The following XIAP variants were observed in gnomAD, a reference collection of about 807,000 sequenced individuals.
XIAP encodes the protein E3 ubiquitin-protein ligase XIAP.
In XIAP, 3 loss-of-function variants were observed where a neutral mutation model predicts 33.1. The observed-to-expected ratio is 0.09, with a 90% confidence interval of 0.04 to 0.23. The LOEUF is 0.23. Ranked by LOEUF, XIAP falls within the 10% of genes least tolerant of loss-of-function variation. The probability of loss-of-function intolerance (pLI) is 1.00; values close to 1 mark genes in which losing one functional copy is unlikely to be tolerated. For missense variants in XIAP, 264 were observed against 363.0 expected, an observed-to-expected ratio of 0.73 and a Z score of 2.22; for synonymous variants, 98 against 121.3, an observed-to-expected ratio of 0.81 and a Z score of 1.26.
chrX:123,865,277 A>G (rs963679719), intron 1 of XIAP, among the ~76,000 whole-genome samples: 1 of 111,210 alleles, frequency 9.0e-6, no homozygotes, highest in African/African-American at 3.3e-5. Flanking sequence ...GTCATGTGCT[A>G]CAGTGTTTGG....
intron 1 of XIAP, among the ~76,000 whole-genome samples, chrX:123,885,321 G>T (rs1245650369): frequency 1.8e-5 from 2 of 111,372 alleles, no homozygotes; most frequent in African/African-American, 6.5e-5. Context: ...ATTTGACATG[G>T]TTAATAATTA....
At chrX:123,870,218 T>C (rs2053181911) in intron 1 of XIAP, among the ~76,000 whole-genome samples, 1 of 112,670 alleles carries the variant, frequency 8.9e-6, no homozygotes, top group African/African-American at 3.2e-5. Flanking sequence ...CACCTCAACC[T>C]CCCAAAGTGC....
chrX:123,893,430 G>A (rs1355360705), intron 5 of XIAP, among the ~76,000 whole-genome samples: 1 of 110,375 alleles, frequency 9.1e-6, no homozygotes, highest in Non-Finnish European at 1.9e-5. Context: ...GGCTGAGGCA[G>A]GAGAATTGCC....
chrX:123,862,330 A>G (rs984753491), intron 1 of XIAP, among the ~76,000 whole-genome samples: 4 of 107,837 alleles, frequency 3.7e-5, no homozygotes, highest in Non-Finnish European at 5.7e-5. Context: ...CGGCCTCCCA[A>G]AGTGCTGGGA....
rs1211032765 is a variant in XIAP at position 123,900,585 on chromosome X, C to A, written c.1192C>A (p.Gln398Lys). 4.1e-6 allele frequency: 5 copies of A among 1,210,733 alleles called. No homozygotes were observed. The highest frequency in any genetic ancestry group is 3.0e-5 in the East Asian group (1 of 33,843). The stretch of plus-strand genomic sequence containing the variant: ...TAAGAAAATAATGGAGGAAAAAATT[C>A]AGATATCTGGGAGCAACTATAAATC... ...DIKKIMEEKI[Q>K]ISGSNYKSLE... The change falls in exon 6 of 7, where the codon CAG (glutamine) becomes AAG (lysine). Residue 398 changes from glutamine (Q) to lysine (K), a missense_variant. Physicochemically the swap from Gln to Lys is moderately conservative, Grantham distance 53. Coordinates refer to ENST00000371199, the MANE Select transcript of XIAP (RefSeq NM_001167.4).
In XIAP at chrX:123,911,500, C is replaced by G; in HGVS notation, c.*4319C>G. 3.2e-6 allele frequency: 1 copy of G among 309,650 alleles called. No individual in the cohort carries two copies. The highest frequency in any genetic ancestry group is 6.1e-6 in the Non-Finnish European group (1 of 164,270). The allele number at this position is 309,650 out of a possible 1,213,427, so 25.5% of individuals were successfully genotyped here. A position where few individuals can be genotyped will look rare whatever the true frequency, so the allele number is the denominator to read the frequency against. ...CTCAAAAAAAAAAAAAGATATAAAT[C>G]ACAATAAATAAATAGGTCAATACAA... is the stretch of plus-strand genomic sequence containing the variant. On this transcript the variant is annotated 3_prime_UTR_variant, in exon 7 of 7. Coordinates refer to ENST00000371199, the MANE Select transcript of XIAP (RefSeq NM_001167.4).
In XIAP at chrX:123,907,612, G is replaced by T. The variant is rs1298928526; in HGVS notation, c.*431G>T. On this transcript the variant is annotated 3_prime_UTR_variant, in exon 7 of 7. Coordinates refer to ENST00000371199, the MANE Select transcript of XIAP (RefSeq NM_001167.4). Reference sequence around the variant, plus strand: ...ACATAATTTGTTTTGTGTGAAAAAGGAATAAATTGTTCCATGCTGGTGGAA... The same window carrying T: ...ACATAATTTGTTTTGTGTGAAAAAGTAATAAATTGTTCCATGCTGGTGGAA... 2.7e-6 allele frequency: 1 copy of T among 375,113 alleles called. No individual in the cohort carries two copies. Among genetic ancestry groups the T allele is most frequent in the African/African-American group, 2.5e-5 (1 of 40,180 alleles). 30.9% of individuals were successfully genotyped at this position (375,113 alleles called of 1,213,427 possible).
intron 6 of XIAP, 140 bp downstream of exon 6, chrX:123,900,833 C>A: frequency 1.8e-6 from 1 of 542,369 alleles, no homozygotes; most frequent in Non-Finnish European, 3.2e-6. Context: ...TTAGTCTGCT[C>A]AAGCTGCTAT....
intron 6 of XIAP, among the ~76,000 whole-genome samples, chrX:123,903,180 A>AT (rs56868819): frequency 0.029 from 1,886 of 64,939 alleles, 25 homozygotes; most frequent in African/African-American, 0.069. Context: ...TTATTTTATA[A>AT]TTTTTTTTTT....
At chrX:123,874,723 C>A (rs2053226414) in intron 1 of XIAP, among the ~76,000 whole-genome samples, 1 of 87,050 alleles carries the variant, frequency 1.1e-5, no homozygotes, top group Admixed American at 1.5e-4. Context: ...GAGATGGAGT[C>A]TCCCTCTGTT....
rs972384036 is a variant in XIAP, at chrX:123,910,232, T to C, written c.*3051T>C. Reference sequence around the variant, plus strand: ...ATATTGCCTTTCCTGCTACATTTGGTTTTTTCCCCTGTCCCTTTGATTACG... The same window carrying C: ...ATATTGCCTTTCCTGCTACATTTGGCTTTTTCCCCTGTCCCTTTGATTACG... On this transcript the variant is annotated 3_prime_UTR_variant, in exon 7 of 7. Transcript: ENST00000371199. 2 of 329,604 alleles carry C rather than the reference T, an allele frequency of 6.1e-6. No individual in the cohort carries two copies. Among genetic ancestry groups the C allele is most frequent in the Non-Finnish European group, 1.2e-5 (2 of 169,975 alleles). The allele number at this position is 329,604 out of a possible 1,213,427, so 27.2% of individuals were successfully genotyped here. A position where few individuals can be genotyped will look rare whatever the true frequency, so the allele number is the denominator to read the frequency against.
At chrX:123,881,524 T>C (rs886538529) in intron 1 of XIAP, among the ~76,000 whole-genome samples, 1 of 111,428 alleles carries the variant, frequency 9.0e-6, no homozygotes, top group African/African-American at 3.3e-5. Context: ...CTAATGTGTA[T>C]ATATTGTTCA....
Position 123,903,463 on chromosome X carries a change from C to T in XIAP, c.1300+2770C>T, listed in dbSNP as rs187829989. ...TCGGCCTCATAAAGTGCTGGGATTA[C>T]AGGCATGAACCACTGCACCCAGCCC... On this transcript the variant is annotated intron_variant, in intron 6 of 6. Coordinates refer to ENST00000371199, the MANE Select transcript of XIAP (RefSeq NM_001167.4). Among the ~76,000 whole-genome samples, 423 of 109,623 alleles carry T rather than the reference C, an allele frequency of 3.9e-3. 2 individuals are homozygous for T. The highest frequency in any genetic ancestry group is 0.013 in the African/African-American group (404 of 30,170).
At position 123,912,814 on chromosome X, in the gene XIAP, A is replaced by G; in HGVS notation, c.*5633A>G. ...ACTACAGGCATGCTCCACGGTGCCC[A>G]GTTAATTTTTTTTGTATTCTTAGTA... is the stretch of plus-strand genomic sequence containing the variant. On this transcript the variant is annotated 3_prime_UTR_variant, in exon 7 of 7. Coordinates refer to ENST00000371199, the MANE Select transcript of XIAP (RefSeq NM_001167.4). 3.1e-6 allele frequency: 1 copy of G among 320,551 alleles called. No homozygotes were observed. The highest frequency in any genetic ancestry group is 6.0e-6 in the Non-Finnish European group (1 of 166,449). 26.4% of individuals were successfully genotyped at this position (320,551 alleles called of 1,213,427 possible). A position where few individuals can be genotyped will look rare whatever the true frequency, so the allele number is the denominator to read the frequency against.
At chrX:123,868,306 C>G (rs1267972403) in intron 1 of XIAP, among the ~76,000 whole-genome samples, 1 of 111,489 alleles carries the variant, frequency 9.0e-6, no homozygotes, top group Admixed American at 9.6e-5. Context: ...AACAAACAAA[C>G]AAGCAAACAA....
At chrX:123,892,699 A>G in intron 4 of XIAP, 32 bp from the exon 5 acceptor site, 1 of 1,154,063 alleles carries the variant, frequency 8.7e-7, no homozygotes. Flanking sequence ...ACCAAAAATA[A>G]TTCTAACTTA....
At chrX:123,880,411 CA>C (rs1427854524) in intron 1 of XIAP, among the ~76,000 whole-genome samples, 86 of 70,029 alleles carry the variant, frequency 1.2e-3, no homozygotes, top group Middle Eastern at 7.6e-3. Context: ...AACTCTGTCT[CA>C]AAAAAAAAAA....
chrX:123,913,222 A>C lies in XIAP; in HGVS notation c.*6041A>C, dbSNP rs1314971787. 1 of 329,112 alleles carries C rather than the reference A, an allele frequency of 3.0e-6. No homozygotes were observed. The highest frequency in any genetic ancestry group is 3.1e-5 in the Admixed American group (1 of 32,238). 27.1% of individuals were successfully genotyped at this position (329,112 alleles called of 1,213,427 possible). On this transcript the variant is annotated 3_prime_UTR_variant, in exon 7 of 7. Coordinates refer to ENST00000371199, the MANE Select transcript of XIAP (RefSeq NM_001167.4). ...CACGGTGGCTCACGCCTGTAATCCCAGCAGTTTCCGAGGCTGAGGCAGGCG... is the reference window on the plus strand; with the variant it reads ...CACGGTGGCTCACGCCTGTAATCCCCGCAGTTTCCGAGGCTGAGGCAGGCG...
At chrX:123,862,846 C>A (rs1342720972) in intron 1 of XIAP, among the ~76,000 whole-genome samples, 1 of 108,492 alleles carries the variant, frequency 9.2e-6, no homozygotes, top group African/African-American at 3.4e-5. Flanking sequence ...CAACAGTGCA[C>A]CTTTGTCCCG....
Sources: allele counts gnomAD v4.1 joint callset (sites outside exome capture counted in the v4.1 genomes callset), GRCh38; gene constraint gnomAD v4.1.1; transcripts MANE v1.5; gene names NCBI Gene and HGNC (gene_info 2026-07-23, HGNC 2026-07-21).